ADGRE1: variants seen among roughly 807,000 people sequenced by gnomAD.
The protein encoded by ADGRE1 is adhesion G protein-coupled receptor E1.
In ADGRE1, 82 loss-of-function variants were observed where a neutral mutation model predicts 102.7. That is an observed-to-expected ratio of 0.80 (90% confidence interval 0.67 to 0.96). The LOEUF is 0.96. Ranked by LOEUF, ADGRE1 falls within the 40% of genes least tolerant of loss-of-function variation. ADGRE1 has a pLI of 0.00. For synonymous variants in ADGRE1, 398 were observed against 399.6 expected, an observed-to-expected ratio of 1.00 and a Z score of 0.05; for missense variants, 1,032 against 1,085.3, an observed-to-expected ratio of 0.95 and a Z score of 0.69.
In ADGRE1 at chr19:6,921,793, T is replaced by C; in HGVS notation, c.1701T>C (p.Cys567=). 2 of 1,614,162 alleles carry C rather than the reference T, an allele frequency of 1.2e-6. No homozygotes were observed. Among genetic ancestry groups the C allele is most frequent in the Non-Finnish European group, 1.7e-6 (2 of 1,180,016 alleles). Reference sequence around the variant, plus strand: ...GTGGAAGATGGACATCCTTTGGCTGTGTGATCCTGGAAGCTTCTGAGACAT... The same window carrying C: ...GTGGAAGATGGACATCCTTTGGCTGCGTGATCCTGGAAGCTTCTGAGACAT... ...VKGGRWTSFG[C]VILEASETYT... Residue 567 remains cysteine, a synonymous_variant, in exon 14 of 21, where the codon TGT becomes TGC. Coordinates refer to ENST00000312053, the MANE Select transcript of ADGRE1 (RefSeq NM_001974.5).
chr19:6,920,329 C>A (rs1408879440), intron 13 of ADGRE1, among the ~76,000 whole-genome samples: 1 of 151,726 alleles, frequency 6.6e-6, no homozygotes, highest in Non-Finnish European at 1.5e-5. Context: ...ACGCCAGTCT[C>A]CTGCCTCAGC....
intron 18 of ADGRE1, among the ~76,000 whole-genome samples, chr19:6,936,020 A>G (rs1975387449): frequency 1.3e-5 from 2 of 152,202 alleles, no homozygotes; most frequent in African/African-American, 4.8e-5. Flanking sequence ...TGTTCATTTT[A>G]AGAAACTTCA....
In ADGRE1 at chr19:6,915,920, C is replaced by CAAAAAAA. The variant is rs67370670; in HGVS notation, c.1301-309_1301-303dup. The stretch of plus-strand genomic sequence containing the variant: ...TAAGTGACAGAGTGAGACTCCGTCT[C>CAAAAAAA]AAAAAAAAAAAAAAAAAAAAAAAAA... On this transcript the variant is annotated intron_variant, in intron 11 of 20. Transcript: ENST00000312053. Among the ~76,000 whole-genome samples the CAAAAAAA allele has an allele frequency of 9.3e-4, 55 of 59,154 alleles. 1 individual carries two copies. Among genetic ancestry groups the CAAAAAAA allele is most frequent in the African/African-American group, 4.1e-3 (52 of 12,546 alleles). The allele number at this position is 59,154 out of a possible 152,430, so 38.8% of individuals were successfully genotyped here.
chr19:6,900,110 A>G (rs977411557), intron 5 of ADGRE1, among the ~76,000 whole-genome samples: 2 of 151,466 alleles, frequency 1.3e-5, no homozygotes, highest in East Asian at 1.9e-4. Flanking sequence ...AAAAAAAAAG[A>G]AAGTTATCTT....
intron 3 of ADGRE1, 63 bp downstream of exon 3, chr19:6,896,604 G>T: frequency 2.6e-6 from 4 of 1,567,758 alleles, no homozygotes; most frequent in Non-Finnish European, 2.6e-6. Context: ...AAGCTGGCTG[G>T]GTATTGAATG....
chr19:6,911,191 C>T (rs1043345557), intron 10 of ADGRE1, among the ~76,000 whole-genome samples: 1 of 152,058 alleles, frequency 6.6e-6, no homozygotes, highest in African/African-American at 2.4e-5. Flanking sequence ...TCCTGTTTCT[C>T]TTGGACAAAT....
At chr19:6,911,061 C>G (rs1974156422) in intron 10 of ADGRE1, among the ~76,000 whole-genome samples, 1 of 152,028 alleles carries the variant, frequency 6.6e-6, no homozygotes, top group Admixed American at 6.6e-5. Context: ...AGAGATTTTG[C>G]CAGTTGTCGA....
rs1006755401 is a variant in ADGRE1, at chr19:6,908,578, C to T, written c.1039-111C>T. ...TGAGAATTCTAGAGACTCAGGAATT[C>T]AGAGCCACCTCATATGATGGGCTTT... is the stretch of plus-strand genomic sequence containing the variant. On this transcript the variant is annotated intron_variant, in intron 9 of 20. Transcript: ENST00000312053. The T allele has an allele frequency of 5.9e-6, 5 of 848,416 alleles. No homozygotes were observed. The Admixed American group carries it at 1.4e-4, about 24-fold the overall frequency. The allele number at this position is 848,416 out of a possible 1,614,324, so 52.6% of individuals were successfully genotyped here. A position where few individuals can be genotyped will look rare whatever the true frequency, so the allele number is the denominator to read the frequency against.
chr19:6,901,470 C>T (rs1287205063), intron 5 of ADGRE1, among the ~76,000 whole-genome samples: 1 of 152,126 alleles, frequency 6.6e-6, no homozygotes, highest in Non-Finnish European at 1.5e-5. Context: ...CAGTGCAAGT[C>T]GTAGGGCCAG....
At chr19:6,910,581 T>TTC (rs2144937852) in intron 10 of ADGRE1, among the ~76,000 whole-genome samples, 1 of 148,118 alleles carries the variant, frequency 6.8e-6, no homozygotes, top group South Asian at 2.2e-4. Flanking sequence ...TTTTTTTTTT[T>TTC]TTTTTTTTGA....
chr19:6,934,569 C>CA (rs1975310006), intron 17 of ADGRE1, among the ~76,000 whole-genome samples: 1 of 145,040 alleles, frequency 6.9e-6, no homozygotes, highest in Non-Finnish European at 1.5e-5. Context: ...TACAGGTGTG[C>CA]ACCACCACAC....
At chr19:6,908,468 ATTTG>A (rs1974049322) in intron 9 of ADGRE1, among the ~76,000 whole-genome samples, 1 of 152,036 alleles carries the variant, frequency 6.6e-6, no homozygotes, top group Admixed American at 6.6e-5. Flanking sequence ...TAGTTTTGCT[ATTTG>A]TTTATGTTTG....
intron 10 of ADGRE1, 36 bp downstream of exon 10, chr19:6,908,808 T>G: frequency 6.3e-7 from 1 of 1,579,932 alleles, no homozygotes; most frequent in Non-Finnish European, 8.6e-7. Context: ...GTTTTGAGTT[T>G]CAAACATCTT....
chr19:6,917,181 T>C (rs1599744396), intron 12 of ADGRE1, among the ~76,000 whole-genome samples: 1 of 152,230 alleles, frequency 6.6e-6, no homozygotes, highest in African/African-American at 2.4e-5. Context: ...GACAACCAGA[T>C]TGGCCCATAG....
At chr19:6,903,979 G>T in intron 7 of ADGRE1, 29 bp downstream of exon 7, 2 of 1,614,084 alleles carry the variant, frequency 1.2e-6, no homozygotes, top group Non-Finnish European at 1.7e-6. Context: ...GGACAATCCA[G>T]AAAAGACATT....
intron 15 of ADGRE1, 86 bp downstream of exon 15, chr19:6,924,958 C>G: frequency 7.1e-7 from 1 of 1,407,014 alleles, no homozygotes; most frequent in Non-Finnish European, 9.8e-7. Flanking sequence ...CCCTCTATCC[C>G]TGTTCCTACC....
chr19:6,891,516 C>T (rs556405280), intron 2 of ADGRE1, among the ~76,000 whole-genome samples: 62 of 150,216 alleles, frequency 4.1e-4, no homozygotes, highest in South Asian at 2.3e-3. Flanking sequence ...TGCAGTGGTG[C>T]GATCTCGGTT....
intron 2 of ADGRE1, chr19:6,896,101 T>G: frequency 3.8e-6 from 1 of 262,814 alleles, no homozygotes; most frequent in Non-Finnish European, 7.3e-6. Context: ...TTTGCACTGT[T>G]GCATGGCACT....
At chr19:6,929,245 C>G (rs1439736366) in intron 17 of ADGRE1, among the ~76,000 whole-genome samples, 4 of 152,178 alleles carry the variant, frequency 2.6e-5, no homozygotes, top group African/African-American at 7.2e-5. Flanking sequence ...AGGAGACTAG[C>G]TCTCTGTGTC....
Sources: gnomAD v4.1 joint callset for allele counts (sites outside exome capture counted in the v4.1 genomes callset) on GRCh38, gnomAD v4.1.1 for gene constraint, MANE v1.5 for transcripts, NCBI Gene and HGNC (gene_info 2026-07-23, HGNC 2026-07-21) for gene names.